WRN: variants seen among roughly 807,000 people sequenced by gnomAD.
The protein encoded by WRN is WRN RecQ like helicase.
WRN carries 149 observed loss-of-function variants against 180.7 expected under a neutral mutation model. The observed-to-expected ratio is 0.82, with a 90% CI of 0.72 to 0.94. The LOEUF (loss-of-function observed/expected upper bound fraction) is 0.94, where lower values mean the gene tolerates loss of function less well. Ranked by LOEUF, WRN falls within the 40% of genes least tolerant of loss-of-function variation. The pLI is 0.00. For missense variants in WRN, 1,661 were observed against 1,700.1 expected (o/e 0.98, Z 0.40); for synonymous variants, 548 against 568.9 (o/e 0.96, Z 0.52).
intron 11 of WRN, among the ~76,000 whole-genome samples, chr8:31,086,887 GACGTCTACAA>G (rs1424060507): frequency 6.6e-6 from 1 of 152,106 alleles, no homozygotes; most frequent in Non-Finnish European, 1.5e-5. Context: ...GAAACTTGTG[GACGTCTACAA>G]ACGTATACAT....
At chr8:31,111,314 A>G (rs1021990393) in intron 18 of WRN, among the ~76,000 whole-genome samples, 2 of 152,246 alleles carry the variant, frequency 1.3e-5, no homozygotes, top group African/African-American at 4.8e-5. Context: ...TAATAAATGG[A>G]GAAGTAGATA....
In WRN at chr8:31,124,597, T is replaced by C. The variant is rs1801848281; in HGVS notation, c.2706T>C (p.Tyr902=). ...KLKMMAKMEK[Y]LHSSRCRRQI... ...AGATGATGGCAAAGATGGAAAAATA[T>C]CTTCATTCTAGCAGATGTAGGAGAC... The change falls in exon 22 of 35, where the codon TAT becomes TAC. Residue 902 remains tyrosine, a synonymous_variant. Coordinates refer to ENST00000298139, the MANE Select transcript of WRN (RefSeq NM_000553.6). 2 of 1,612,298 alleles carry C rather than the reference T, an allele frequency of 1.2e-6. No individual in the cohort carries two copies. Among genetic ancestry groups the C allele is most frequent in the Admixed American group, 1.7e-5 (1 of 59,980 alleles).
chr8:31,140,142 T>C (rs1188998196), intron 24 of WRN, among the ~76,000 whole-genome samples: 1 of 150,236 alleles, frequency 6.7e-6, no homozygotes, highest in African/African-American at 2.4e-5. Context: ...CAGCTCCTGC[T>C]TCAGCCTCCT....
intron 28 of WRN, among the ~76,000 whole-genome samples, chr8:31,146,417 ATTGTCT>A (rs1293743420): frequency 6.6e-6 from 1 of 151,328 alleles, no homozygotes; most frequent in African/African-American, 2.4e-5. Flanking sequence ...TGTGTTAGTG[ATTGTCT>A]TTGTTTTATT....
At chr8:31,035,732 C>T (rs1811430005) in intron 1 of WRN, among the ~76,000 whole-genome samples, 1 of 152,046 alleles carries the variant, frequency 6.6e-6, no homozygotes, top group Non-Finnish European at 1.5e-5. Flanking sequence ...CTTTTTTAAA[C>T]AGCTTTATTG....
At chr8:31,126,635 C>T (rs1164543929) in intron 23 of WRN, among the ~76,000 whole-genome samples, 11 of 152,074 alleles carry the variant, frequency 7.2e-5, no homozygotes, top group Admixed American at 6.5e-4. Flanking sequence ...TAACAAAGAA[C>T]ATAAGTCAAT....
At position 31,173,157 on chromosome 8, in the gene WRN, T is replaced by C. The variant is rs2130530832; in HGVS notation, c.*55T>C. The C allele has an allele frequency of 8.6e-6, 13 of 1,508,764 alleles. No homozygotes were observed. In the South Asian group the frequency reaches 1.5e-4, roughly 17 times the overall value. 93.5% of individuals were successfully genotyped at this position (1,508,764 alleles called of 1,614,324 possible). ...TTGCTGTATTATAAGAGGATAGCTA[T>C]ATTTTATTTCTGAAGAGTAAGGAGT... is the stretch of plus-strand genomic sequence containing the variant. On this transcript the variant is annotated 3_prime_UTR_variant, in exon 35 of 35. Transcript: ENST00000298139.
chr8:31,141,761 G>A lies in WRN; in HGVS notation c.3219G>A (p.Lys1073=). 6.2e-7 allele frequency: 1 copy of A among 1,614,006 alleles called. No individual in the cohort carries two copies. Among genetic ancestry groups the A allele is most frequent in the South Asian group, 1.1e-5 (1 of 91,080 alleles). The change falls in exon 26 of 35, where the codon AAG becomes AAA. Residue 1073 remains lysine, a synonymous_variant. Transcript: ENST00000298139. ...LQANEELCPK[K]LLLPSSKTVS... ...CTAATGAAGAATTGTGTCCAAAGAA[G>A]TTGCTTCTGCCTAGGTTCATTTTTC...
intron 1 of WRN, among the ~76,000 whole-genome samples, chr8:31,048,991 T>C (rs1035198287): frequency 6.6e-6 from 1 of 151,670 alleles, no homozygotes; most frequent in African/African-American, 2.4e-5. Flanking sequence ...TTCTGCAGTA[T>C]AGTTAAAGAG....
At chr8:31,046,921 A>AG (rs1811888560) in intron 1 of WRN, among the ~76,000 whole-genome samples, 1 of 152,146 alleles carries the variant, frequency 6.6e-6, no homozygotes, top group Non-Finnish European at 1.5e-5. Flanking sequence ...TTTTCTTCTT[A>AG]TTCATGTTAC....
intron 1 of WRN, among the ~76,000 whole-genome samples, chr8:31,038,718 A>G (rs1811537755): frequency 2.6e-5 from 4 of 152,160 alleles, no homozygotes; most frequent in Admixed American, 2.6e-4. Flanking sequence ...AAATTCTTGT[A>G]TATTAGTGTG....
intron 30 of WRN, among the ~76,000 whole-genome samples, chr8:31,150,128 T>C (rs899244407): frequency 6.6e-6 from 1 of 152,208 alleles, no homozygotes; most frequent in Non-Finnish European, 1.5e-5. Flanking sequence ...TTTGTGGTGA[T>C]GGGGGCAAGA....
chr8:31,037,584 A>G (rs1209521613), intron 1 of WRN, among the ~76,000 whole-genome samples: 2 of 152,104 alleles, frequency 1.3e-5, no homozygotes, highest in South Asian at 2.1e-4. Flanking sequence ...GAGATAATTG[A>G]CTACTTTCAT....
In WRN at chr8:31,167,081, A is replaced by G. The variant is rs374028957; in HGVS notation, c.4042A>G (p.Ile1348Val). Residue 1348 changes from isoleucine (I) to valine (V), a missense_variant, in exon 34 of 35, where the codon ATC becomes GTC. Coordinates refer to ENST00000298139, the MANE Select transcript of WRN (RefSeq NM_000553.6). ...LVPENIDTYL[I>V]HMAIEILKHG... ...TCCTGAAAACATTGACACGTACCTT[A>G]TCCACATGGCAATTGAGATCCTTAA... The G allele has an allele frequency of 3.7e-6, 6 of 1,613,424 alleles. No individual in the cohort carries two copies. The highest frequency in any genetic ancestry group is 2.2e-5 in the East Asian group (1 of 44,842).
At chr8:31,091,992 T>C in intron 16 of WRN, 94 bp downstream of exon 16, 1 of 1,137,814 alleles carries the variant, frequency 8.8e-7, no homozygotes, top group Non-Finnish European at 1.3e-6. Flanking sequence ...GCTGAGGAAG[T>C]TGTGAGTAAT....
At position 31,090,531 on chromosome 8, in the gene WRN, T is replaced by G. The variant is rs145564947; in HGVS notation, c.1719T>G (p.Thr573=). The change falls in exon 14 of 35, where the codon ACT becomes ACG. Residue 573 remains threonine (T), a splice_region_variant and synonymous_variant. Transcript: ENST00000298139. Reference sequence around the variant, plus strand: ...GAGATAATGTTGCTGTCATGGCAACTGGTAAGTTGTACTTAAGCAAAACCT... The same window carrying G: ...GAGATAATGTTGCTGTCATGGCAACGGGTAAGTTGTACTTAAGCAAAACCT... ...ERRDNVAVMA[T]GYGKSLCFQY... is the part of the protein sequence containing the mutation. The G allele has an allele frequency of 7.2e-5, 116 of 1,611,700 alleles. No individual in the cohort carries two copies. Among genetic ancestry groups the G allele is most frequent in the Non-Finnish European group, 9.7e-5 (114 of 1,178,430 alleles).
chr8:31,088,762 A>G, intron 12 of WRN, 128 bp from the exon 13 acceptor site: 2 of 787,428 alleles, frequency 2.5e-6, no homozygotes, highest in South Asian at 1.5e-5. Flanking sequence ...GAATTAAAAA[A>G]TAGAAAACAT....
chr8:31,112,103 G>T (rs1801343935), intron 19 of WRN, among the ~76,000 whole-genome samples: 2 of 151,824 alleles, frequency 1.3e-5, no homozygotes, highest in South Asian at 4.2e-4. Flanking sequence ...TAGAGACAGG[G>T]TCTCTCTGTC....
chr8:31,058,862 A>G (rs1188806972), intron 2 of WRN, among the ~76,000 whole-genome samples: 4 of 152,218 alleles, frequency 2.6e-5, no homozygotes, highest in Admixed American at 2.6e-4. Flanking sequence ...AGGCAACATT[A>G]TTATTACAGT....
Sources: gnomAD v4.1 joint callset for allele counts (sites outside exome capture counted in the v4.1 genomes callset) on GRCh38, gnomAD v4.1.1 for gene constraint, MANE v1.5 for transcripts, NCBI Gene and HGNC (gene_info 2026-07-23, HGNC 2026-07-21) for gene names.